The following BBX variants were observed in gnomAD, a reference collection of about 807,000 sequenced individuals.
The protein encoded by BBX is HMG box transcription factor BBX.
In BBX, 30 loss-of-function variants were observed where a neutral mutation model predicts 100.2. That is an observed-to-expected ratio of 0.30 (90% CI 0.22 to 0.41). The LOEUF is 0.41. BBX is among the 10% of genes least tolerant of loss of function. The probability of loss-of-function intolerance (pLI) is 1.00; values close to 1 mark genes in which losing one functional copy is unlikely to be tolerated. For missense variants in BBX, 1,023 were observed against 1,129.8 expected, an observed-to-expected ratio of 0.91 and a Z score of 1.35; for synonymous variants, 376 against 388.1, an observed-to-expected ratio of 0.97 and a Z score of 0.37.
At chr3:107,639,889 C>CT (rs1233902202) in intron 2 of BBX, among the ~76,000 whole-genome samples, 1 of 152,154 alleles carries the variant, frequency 6.6e-6, no homozygotes, top group African/African-American at 2.4e-5. Context: ...TGAAATAACA[C>CT]TTGAGAAGTA....
At chr3:107,648,850 A>G (rs1026565677) in intron 3 of BBX, among the ~76,000 whole-genome samples, 1 of 152,244 alleles carries the variant, frequency 6.6e-6, no homozygotes, top group African/African-American at 2.4e-5. Context: ...GATTGATTTA[A>G]AGATCCAATA....
intron 9 of BBX, among the ~76,000 whole-genome samples, chr3:107,754,662 G>A (rs1240049074): frequency 6.6e-6 from 1 of 152,126 alleles, no homozygotes; most frequent in Admixed American, 6.6e-5. Context: ...TCACCTTTAA[G>A]GATATAGTCA....
chr3:107,765,977 C>T (rs536908412), intron 10 of BBX, among the ~76,000 whole-genome samples: 1 of 120,250 alleles, frequency 8.3e-6, no homozygotes, highest in East Asian at 3.4e-4. Flanking sequence ...GTGGAATTTA[C>T]TTGTAATGAT....
In BBX at chr3:107,626,941, C is replaced by T. The variant is rs796188787; in HGVS notation, c.-83-18895C>T. On this transcript the variant is annotated intron_variant, in intron 2 of 17. Coordinates refer to ENST00000325805, the MANE Select transcript of BBX (RefSeq NM_001142568.3). ...TGCTAAGATTAAAGGTGTGAGCCAC[C>T]GCACCTGGCCTTCCATAGGACTTCT... is the stretch of plus-strand genomic sequence containing the variant. 1.1e-3 allele frequency among the ~76,000 whole-genome samples: 165 copies of T among 152,162 alleles called. 1 individual carries two copies. The highest frequency in any genetic ancestry group is 3.7e-3 in the African/African-American group (152 of 41,502).
chr3:107,782,692 G>A (rs1449422267), intron 13 of BBX, among the ~76,000 whole-genome samples: 1 of 152,000 alleles, frequency 6.6e-6, no homozygotes, highest in South Asian at 2.1e-4. Context: ...CTAATCTCTC[G>A]GCTTGTCATT....
At chr3:107,547,151 C>T (rs1300517993) in intron 2 of BBX, among the ~76,000 whole-genome samples, 1 of 152,112 alleles carries the variant, frequency 6.6e-6, no homozygotes, top group African/African-American at 2.4e-5. Context: ...GCTCAAACAT[C>T]CTCAATTTTT....
At chr3:107,645,281 C>T (rs1462119360) in intron 2 of BBX, among the ~76,000 whole-genome samples, 3 of 152,290 alleles carry the variant, frequency 2.0e-5, no homozygotes, top group Middle Eastern at 3.4e-3. Context: ...ATAATTACTT[C>T]ATCCTTTATC....
chr3:107,808,312 T>C lies in BBX; in HGVS notation c.*2855T>C, dbSNP rs776308346. 3 of 152,216 alleles carry C rather than the reference T, an allele frequency of 2.0e-5. No individual in the cohort carries two copies. The highest frequency in any genetic ancestry group is 2.9e-5 in the Non-Finnish European group (2 of 68,026). 9.4% of individuals were successfully genotyped at this position (152,216 alleles called of 1,614,324 possible). The stretch of plus-strand genomic sequence containing the variant: ...TCTGCTTTGTTTTATTCTAAATTGT[T>C]GTATCATATCTTTCTGAAACCATTC... On this transcript the variant is annotated 3_prime_UTR_variant, in exon 18 of 18. Transcript: ENST00000325805.
intron 3 of BBX, among the ~76,000 whole-genome samples, chr3:107,708,407 G>T (rs1325204376): frequency 6.6e-6 from 1 of 152,130 alleles, no homozygotes; most frequent in Non-Finnish European, 1.5e-5. Flanking sequence ...CGGGCGTGGT[G>T]GCTCACACCT....
intron 3 of BBX, among the ~76,000 whole-genome samples, chr3:107,692,170 T>TTTTATTTATTTATTTATTTA (rs201883262): frequency 8.1e-5 from 12 of 148,120 alleles, no homozygotes; most frequent in African/African-American, 2.5e-4. Flanking sequence ...TTTTTAATTA[T>TTTTATTTATTTATTTATTTA]TTTATTTATT....
chr3:107,592,830 T>G (rs1448903034), intron 2 of BBX, among the ~76,000 whole-genome samples: 2 of 152,220 alleles, frequency 1.3e-5, no homozygotes, highest in African/African-American at 4.8e-5. Flanking sequence ...GCCAACAATT[T>G]CTGTTAAGTT....
intron 2 of BBX, among the ~76,000 whole-genome samples, chr3:107,584,508 AT>A (rs1376419825): frequency 1.8e-4 from 27 of 150,738 alleles, no homozygotes; most frequent in African/African-American, 6.3e-4. Flanking sequence ...AATGATGGTA[AT>A]TATTACCAAA....
At chr3:107,792,500 G>A (rs2069166190) in intron 15 of BBX, among the ~76,000 whole-genome samples, 1 of 152,162 alleles carries the variant, frequency 6.6e-6, no homozygotes, top group South Asian at 2.1e-4. Flanking sequence ...TTGAGTTCAT[G>A]TTAAACATAA....
In BBX at chr3:107,726,177, A is replaced by G. The variant is rs539870931; in HGVS notation, c.406-2588A>G. Among the ~76,000 whole-genome samples, 8 of 152,116 alleles carry G rather than the reference A, an allele frequency of 5.3e-5. No individual in the cohort carries two copies. The South Asian group carries it at 1.0e-3, about 20-fold the overall frequency. ...TTTGTCCCTTACCCAGCCTTCTCCT[A>G]ATAATCTCATCACAACAAATGATTA... On this transcript the variant is annotated intron_variant, in intron 5 of 17. Coordinates refer to ENST00000325805, the MANE Select transcript of BBX (RefSeq NM_001142568.3).
intron 2 of BBX, among the ~76,000 whole-genome samples, chr3:107,552,345 A>ATT (rs775729196): frequency 1.6e-5 from 1 of 63,036 alleles, no homozygotes; most frequent in African/African-American, 5.8e-5. Context: ...ACCCTGTTTC[A>ATT]TTAAAAAAAA....
chr3:107,728,515 T>A (rs998613678), intron 5 of BBX, among the ~76,000 whole-genome samples: 1 of 152,146 alleles, frequency 6.6e-6, no homozygotes, highest in Non-Finnish European at 1.5e-5. Flanking sequence ...TACTATTTTT[T>A]AAAGTTGAGG....
At chr3:107,606,726 A>G (rs1468101247) in intron 2 of BBX, among the ~76,000 whole-genome samples, 2 of 152,208 alleles carry the variant, frequency 1.3e-5, no homozygotes, top group East Asian at 3.8e-4. Context: ...ACAGGCACAC[A>G]ATGTATAATA....
chr3:107,736,530 C>G (rs565612464), intron 7 of BBX, among the ~76,000 whole-genome samples: 2 of 151,728 alleles, frequency 1.3e-5, no homozygotes, highest in African/African-American at 4.8e-5. Flanking sequence ...GAGAATTAAG[C>G]CTTTATGTTT....
chr3:107,743,367 T>A (rs954723904), intron 7 of BBX, among the ~76,000 whole-genome samples: 13 of 152,334 alleles, frequency 8.5e-5, no homozygotes, highest in Admixed American at 2.0e-4. Flanking sequence ...TTTGTTGGCC[T>A]TTTTAATTCA....
Sources: gnomAD v4.1 joint callset for allele counts (sites outside exome capture counted in the v4.1 genomes callset) on GRCh38, gnomAD v4.1.1 for gene constraint, MANE v1.5 for transcripts, NCBI Gene and HGNC (gene_info 2026-07-23, HGNC 2026-07-21) for gene names.